Variants in KAZN observed in about 807,000 individuals in gnomAD.
KAZN encodes the protein kazrin, periplakin interacting protein.
KAZN carries 40 observed loss-of-function variants against 87.4 expected under a neutral mutation model. The observed-to-expected ratio is 0.46, with a 90% confidence interval of 0.36 to 0.60. The LOEUF (loss-of-function observed/expected upper bound fraction) is 0.60. Ranked by LOEUF, KAZN falls within the 20% of genes least tolerant of loss-of-function variation. The probability of loss-of-function intolerance (pLI) is 0.00; values close to 1 mark genes in which losing one functional copy is unlikely to be tolerated. For synonymous variants in KAZN, 466 were observed against 458.3 expected (o/e 1.02, Z -0.22); for missense variants, 898 against 1,073.9 (o/e 0.84, Z 2.29).
rs57203868 is a variant in KAZN, at chr1:14,727,450, C to CTTTTTTTTTTTTTTTTTTT, written c.226+128255_226+128273dup. ...GTCCATCACATTTATTGTGCACTTT[C>CTTTTTTTTTTTTTTTTTTT]TTTTTTTTTTTTTTTTTTTTTTTTT... On this transcript the variant is annotated intron_variant, in intron 1 of 14. Transcript: ENST00000376030. Among the ~76,000 whole-genome samples the CTTTTTTTTTTTTTTTTTTT allele has an allele frequency of 8.1e-5, 6 of 73,920 alleles. No homozygotes were observed. In the East Asian group the frequency reaches 1.4e-3, roughly 17 times the overall value. 48.5% of individuals were successfully genotyped at this position (73,920 alleles called of 152,430 possible).
At position 14,878,953 on chromosome 1, in the gene KAZN, A is replaced by G. The variant is rs578211851; in HGVS notation, c.227-81731A>G. Among the ~76,000 whole-genome samples, 8 of 152,308 alleles carry G rather than the reference A, an allele frequency of 5.3e-5. No homozygotes were observed. In the East Asian group the frequency reaches 7.7e-4, roughly 15 times the overall value. ...CAAGTGGCCTCTCAGCCCTGGCTTC[A>G]TGTTTCTAAGGGAACTTGTCCTGGT... On this transcript the variant is annotated intron_variant, in intron 1 of 14. Coordinates refer to ENST00000376030, the MANE Select transcript of KAZN (RefSeq NM_201628.3).
At chr1:14,994,380 A>G (rs1048320525) in intron 2 of KAZN, among the ~76,000 whole-genome samples, 4 of 152,200 alleles carry the variant, frequency 2.6e-5, no homozygotes, top group African/African-American at 7.2e-5. Flanking sequence ...ACTGCCTTCA[A>G]CAGGTATCTA....
chr1:14,887,671 T>A (rs1005289856), intron 1 of KAZN, among the ~76,000 whole-genome samples: 2 of 151,636 alleles, frequency 1.3e-5, no homozygotes, highest in East Asian at 3.9e-4. Flanking sequence ...TGGTAGTTTT[T>A]TTTTTTTTTT....
chr1:15,018,096 A>C (rs2102138540), intron 2 of KAZN, among the ~76,000 whole-genome samples: 2 of 151,576 alleles, frequency 1.3e-5, no homozygotes, highest in South Asian at 2.1e-4. Flanking sequence ...CCACGCTTTC[A>C]GCTTTTTTTC....
At chr1:14,372,291 C>G (rs950819894) in intron 2 of KAZN, among the ~76,000 whole-genome samples, 5 of 152,154 alleles carry the variant, frequency 3.3e-5, no homozygotes, top group South Asian at 2.1e-4. Flanking sequence ...TTAAATGTCT[C>G]TATAATTGCC....
intron 2 of KAZN, among the ~76,000 whole-genome samples, chr1:14,486,540 G>C (rs1324634962): frequency 7.2e-5 from 11 of 152,152 alleles, no homozygotes; most frequent in Non-Finnish European, 1.5e-5. Flanking sequence ...AGCTATCTTG[G>C]AAACATTCCT....
intron 1 of KAZN, among the ~76,000 whole-genome samples, chr1:14,082,411 C>T (rs3817946): frequency 0.099 from 15,122 of 152,154 alleles, 919 homozygotes; most frequent in East Asian, 0.13. Flanking sequence ...ATGTGGAGAG[C>T]TGACACCCTT....
At chr1:15,020,057 C>T (rs1158547171) in intron 2 of KAZN, among the ~76,000 whole-genome samples, 1 of 152,076 alleles carries the variant, frequency 6.6e-6, no homozygotes, top group Non-Finnish European at 1.5e-5. Flanking sequence ...GCCCCAGGGG[C>T]CCTGGGGACT....
At chr1:13,985,562 G>C (rs566477810) in intron 1 of KAZN, among the ~76,000 whole-genome samples, 2 of 117,554 alleles carry the variant, frequency 1.7e-5, no homozygotes, top group Admixed American at 1.9e-4. Flanking sequence ...GTTGTGGGGT[G>C]GGGGGAGGGG....
intron 2 of KAZN, among the ~76,000 whole-genome samples, chr1:14,441,239 G>A (rs1454913071): frequency 1.3e-5 from 2 of 150,374 alleles, no homozygotes; most frequent in Non-Finnish European, 3.0e-5. Context: ...TCTATCTTCT[G>A]AATTAACTTC....
At chr1:14,295,362 G>A (rs904319076) in intron 2 of KAZN, among the ~76,000 whole-genome samples, 4 of 152,086 alleles carry the variant, frequency 2.6e-5, no homozygotes, top group Non-Finnish European at 4.4e-5. Flanking sequence ...CTTCCCATGA[G>A]CTGCCAGAAA....
chr1:14,453,894 T>C (rs1413602484), intron 2 of KAZN, among the ~76,000 whole-genome samples: 1 of 151,602 alleles, frequency 6.6e-6, no homozygotes, highest in Non-Finnish European at 1.5e-5. Flanking sequence ...TAAATGGGGG[T>C]AGGAGAGAAA....
Position 14,647,177 on chromosome 1 carries a change from T to A in KAZN, c.226+47954T>A, listed in dbSNP as rs1005163848. ...TTTAAATATGGAAGAGTAACATATT[T>A]TAATAATCATACCCCGGGGCGCAGT... On this transcript the variant is annotated intron_variant, in intron 1 of 14. Transcript: ENST00000376030. Among the ~76,000 whole-genome samples the A allele has an allele frequency of 5.3e-5, 8 of 152,338 alleles. No individual in the cohort carries two copies. The East Asian group carries it at 1.5e-3, about 29-fold the overall frequency.
intron 1 of KAZN, among the ~76,000 whole-genome samples, chr1:14,114,740 A>G (rs1644576146): frequency 6.6e-6 from 1 of 152,218 alleles, no homozygotes; most frequent in South Asian, 2.1e-4. Context: ...GTCATTCTAG[A>G]CACAGTGTCA....
chr1:14,599,248 C>T lies in KAZN; in HGVS notation c.226+25C>T. 2 of 1,345,360 alleles carry T rather than the reference C, an allele frequency of 1.5e-6. No individual in the cohort carries two copies. The highest frequency in any genetic ancestry group is 2.2e-5 in the South Asian group (1 of 44,536). The allele number at this position is 1,345,360 out of a possible 1,614,324, so 83.3% of individuals were successfully genotyped here. On this transcript the variant is annotated intron_variant, in intron 1 of 14. Coordinates refer to ENST00000376030, the MANE Select transcript of KAZN (RefSeq NM_201628.3). This position sits in a 1 kb window ranked among gnomAD's most constrained non-coding sequence, Gnocchi z 4.4. ...GGTAGGATCGCCCCGGCGCCCAGGGCGGAGGAAGGCGAGCAGAGCACGCCC... is the reference window on the plus strand; with the variant it reads ...GGTAGGATCGCCCCGGCGCCCAGGGTGGAGGAAGGCGAGCAGAGCACGCCC...
chr1:15,005,524 A>C (rs978286088), intron 2 of KAZN, among the ~76,000 whole-genome samples: 10 of 152,146 alleles, frequency 6.6e-5, no homozygotes, highest in African/African-American at 2.4e-4. Context: ...GGTGGCTCAC[A>C]CCTATCATCC....
chr1:14,274,821 G>A (rs899736874), intron 2 of KAZN, among the ~76,000 whole-genome samples: 19 of 152,082 alleles, frequency 1.2e-4, no homozygotes, highest in Non-Finnish European at 2.6e-4. Flanking sequence ...GGTATCTAGA[G>A]GGAGCTCAAT....
At chr1:14,528,337 CAAAAAAAAA>C (rs33960231) in intron 2 of KAZN, among the ~76,000 whole-genome samples, 3 of 49,370 alleles carry the variant, frequency 6.1e-5, no homozygotes, top group African/African-American at 2.6e-4. Context: ...GACTCCATCT[CAAAAAAAAA>C]AAAAAAAAAA....
intron 2 of KAZN, among the ~76,000 whole-genome samples, chr1:14,499,066 C>A (rs1670102350): frequency 6.6e-6 from 1 of 152,160 alleles, no homozygotes; most frequent in Admixed American, 6.5e-5. Flanking sequence ...AAGATCCTAA[C>A]CAATGCATTG....
Sources: gnomAD v4.1 joint callset for allele counts (sites outside exome capture counted in the v4.1 genomes callset) on GRCh38, gnomAD v4.1.1 for gene constraint, Gnocchi (gnomAD v3.1) non-coding constraint, MANE v1.5 for transcripts, NCBI Gene and HGNC (gene_info 2026-07-23, HGNC 2026-07-21) for gene names.